The following RBM46 variants were observed in gnomAD, a reference collection of about 807,000 sequenced individuals.
RBM46 encodes probable RNA-binding protein 46.
In RBM46, 12 loss-of-function variants were observed where a neutral mutation model predicts 43.3. The observed-to-expected ratio is 0.28, with a 90% CI of 0.18 to 0.45. The LOEUF (loss-of-function observed/expected upper bound fraction) is 0.45, where lower values mean the gene tolerates loss of function less well. RBM46 is among the 20% of genes least tolerant of loss of function. RBM46 has a pLI of 1.00. For missense variants in RBM46, 412 were observed against 639.1 expected (o/e 0.64, Z 3.83); for synonymous variants, 205 against 207.6 (o/e 0.99, Z 0.11).
In RBM46 at chr4:154,828,102, A is replaced by C; in HGVS notation, c.*35A>C. The C allele has an allele frequency of 7.0e-7, 1 of 1,430,830 alleles. No individual in the cohort carries two copies. Among genetic ancestry groups the C allele is most frequent in the Non-Finnish European group, 9.8e-7 (1 of 1,015,234 alleles). 88.6% of individuals were successfully genotyped at this position (1,430,830 alleles called of 1,614,324 possible). A position where few individuals can be genotyped will look rare whatever the true frequency, so the allele number is the denominator to read the frequency against. ...TAACATTAGTATGAAAATTTGTGTA[A>C]ATTTGTAGTATGAAAACTTGCAAAT... On this transcript the variant is annotated 3_prime_UTR_variant, in exon 5 of 5. Coordinates refer to ENST00000281722, the MANE Select transcript of RBM46 (RefSeq NM_144979.5).
In RBM46 at chr4:154,826,807, G is replaced by C. The variant is rs760930240; in HGVS notation, c.1403-1061G>C. ...TGCTTGAGCTTACTCTCCTGCAGTT[G>C]ATCTCATTCCTGTTGGCTAAACATT... On this transcript the variant is annotated intron_variant, in intron 4 of 4. Transcript: ENST00000281722. 24 of 1,472,078 alleles carry C rather than the reference G, an allele frequency of 1.6e-5. No individual in the cohort carries two copies. The South Asian group carries it at 2.9e-4, about 18-fold the overall frequency. The allele number at this position is 1,472,078 out of a possible 1,614,324, so 91.2% of individuals were successfully genotyped here.
At position 154,798,925 on chromosome 4, in the gene RBM46, G is replaced by A; in HGVS notation, c.763G>A (p.Glu255Lys). 2 of 1,613,520 alleles carry A rather than the reference G, an allele frequency of 1.2e-6. No homozygotes were observed. The highest frequency in any genetic ancestry group is 1.7e-6 in the Non-Finnish European group (2 of 1,179,784). ...ISTTEETIKAEFNKFKPGAVE... is the reference protein window; with the variant it reads ...ISTTEETIKAKFNKFKPGAVE... ...AACTACAGAGGAAACAATTAAAGCAGAATTCAATAAATTTAAGCCTGGTGC... is the reference window on the plus strand; with the variant it reads ...AACTACAGAGGAAACAATTAAAGCAAAATTCAATAAATTTAAGCCTGGTGC... Residue 255 changes from glutamate (E) to lysine (K), a missense_variant, in exon 4 of 5, where the codon GAA becomes AAA. Physicochemically the swap from Glu to Lys is moderately conservative, Grantham distance 56. Around this residue, in one of 8 missense-constraint regions of RBM46, gnomAD observed 54 missense variants for 102.5 expected, o/e 0.53. Coordinates refer to ENST00000281722, the MANE Select transcript of RBM46 (RefSeq NM_144979.5).
intron 4 of RBM46, among the ~76,000 whole-genome samples, chr4:154,807,611 C>T (rs1453723414): frequency 6.6e-6 from 1 of 151,790 alleles, no homozygotes; most frequent in Non-Finnish European, 1.5e-5. Context: ...AGTATCTGCC[C>T]TTACTAGTTA....
In RBM46 at chr4:154,798,135, A is replaced by G. The variant is rs199571046; in HGVS notation, c.476A>G (p.Asp159Gly). 176 of 1,613,874 alleles carry G rather than the reference A, an allele frequency of 1.1e-4. 2 individuals carry two copies. The African/African-American group carries it at 1.5e-3, about 14-fold the overall frequency. The change falls in exon 3 of 5, where the codon GAT becomes GGT. Residue 159 changes from aspartate to glycine, a missense_variant. Around this residue, in one of 8 missense-constraint regions of RBM46, gnomAD observed 48 missense variants for 78.9 expected, o/e 0.61. Transcript: ENST00000281722. ...PKEKKKEEIL[D>G]EMKKVTEGVV... ...GAAAAGAAGAAAGAAGAAATTTTAGATGAAATGAAGAAAGTTACAGAAGGA... is the reference window on the plus strand; with the variant it reads ...GAAAAGAAGAAAGAAGAAATTTTAGGTGAAATGAAGAAAGTTACAGAAGGA...
intron 4 of RBM46, among the ~76,000 whole-genome samples, chr4:154,822,966 T>C (rs1175991501): frequency 6.6e-6 from 1 of 151,844 alleles, no homozygotes; most frequent in Non-Finnish European, 1.5e-5. Flanking sequence ...ACACAAACAT[T>C]TGTACATATT....
At chr4:154,824,622 G>C (rs1735870624) in intron 4 of RBM46, among the ~76,000 whole-genome samples, 1 of 152,042 alleles carries the variant, frequency 6.6e-6, no homozygotes. Context: ...CAAGCTATTT[G>C]AGTTTCGACT....
At chr4:154,803,139 T>C (rs750080191) in intron 4 of RBM46, among the ~76,000 whole-genome samples, 2 of 152,226 alleles carry the variant, frequency 1.3e-5, no homozygotes, top group Non-Finnish European at 2.9e-5. Flanking sequence ...TTTAGTGATC[T>C]TACTAGCATC....
At chr4:154,814,084 A>C (rs891508334) in intron 4 of RBM46, among the ~76,000 whole-genome samples, 3 of 152,008 alleles carry the variant, frequency 2.0e-5, no homozygotes, top group South Asian at 4.1e-4. Context: ...AATAATGAAA[A>C]TTAGGAGCCT....
At chr4:154,818,303 A>G (rs156571) in intron 4 of RBM46, among the ~76,000 whole-genome samples, 87,900 of 151,902 alleles carry the variant, frequency 0.58, 28,184 homozygotes, top group African/African-American at 0.85. Context: ...CTCTATTTTC[A>G]TTTGTCTGAA....
chr4:154,802,818 T>G (rs994945859), intron 4 of RBM46, among the ~76,000 whole-genome samples: 1 of 152,178 alleles, frequency 6.6e-6, no homozygotes, highest in African/African-American at 2.4e-5. Context: ...TATCCTTATT[T>G]TAACCCTTTC....
chr4:154,797,044 G>A, intron 2 of RBM46, 141 bp downstream of exon 2: 1 of 588,062 alleles, frequency 1.7e-6, no homozygotes, highest in Non-Finnish European at 2.8e-6. Context: ...GTTGAGGAGA[G>A]TTAAATTATA....
chr4:154,788,720 G>A lies in RBM46; in HGVS notation c.-12+7284G>A, dbSNP rs865993005. ...AAGTAGTTTTTTCCCATTCTGTGAA[G>A]AAAGTCATTGGTAGCTTGATGGGGA... On this transcript the variant is annotated intron_variant, in intron 1 of 4. Transcript: ENST00000281722. Among the ~76,000 whole-genome samples, 38 of 152,266 alleles carry A rather than the reference G, an allele frequency of 2.5e-4. No individual in the cohort carries two copies. The Middle Eastern group carries it at 0.034, about 136-fold the overall frequency.
intron 1 of RBM46, among the ~76,000 whole-genome samples, chr4:154,786,213 A>G (rs1439677479): frequency 2.0e-5 from 3 of 152,038 alleles, no homozygotes; most frequent in Admixed American, 6.5e-5. Context: ...CAGCCTCCTG[A>G]GTAGCTGGGA....
chr4:154,820,908 A>G (rs1190109155), intron 4 of RBM46, among the ~76,000 whole-genome samples: 3 of 151,864 alleles, frequency 2.0e-5, no homozygotes, highest in African/African-American at 4.8e-5. Flanking sequence ...TTGAGTCAAG[A>G]TTATTACCTC....
chr4:154,786,462 GT>G (rs1733772720), intron 1 of RBM46, among the ~76,000 whole-genome samples: 1 of 152,064 alleles, frequency 6.6e-6, no homozygotes, highest in Non-Finnish European at 1.5e-5. Context: ...ATATTACATT[GT>G]TTTATTTATT....
Position 154,803,781 on chromosome 4 carries a change from TAGTG to T in RBM46, c.1402+4225_1402+4228del, listed in dbSNP as rs1734766793. Among the ~76,000 whole-genome samples the T allele has an allele frequency of 3.4e-5, 5 of 146,848 alleles. No homozygotes were observed. The South Asian group carries it at 8.6e-4, about 25-fold the overall frequency. ...TTTTAGGGATCTGTAATCTGTAGGA[TAGTG>T]AGTGAGTTTAATGGGTAGAATCCTG... On this transcript the variant is annotated intron_variant, in intron 4 of 4. Coordinates refer to ENST00000281722, the MANE Select transcript of RBM46 (RefSeq NM_144979.5).
intron 1 of RBM46, among the ~76,000 whole-genome samples, chr4:154,788,092 T>C (rs1448444044): frequency 1.3e-5 from 2 of 152,242 alleles, no homozygotes; most frequent in Non-Finnish European, 2.9e-5. Context: ...ATTAGCCCTT[T>C]GTCAGATGGT....
intron 4 of RBM46, among the ~76,000 whole-genome samples, chr4:154,822,578 A>G (rs1735767760): frequency 6.6e-6 from 1 of 151,462 alleles, no homozygotes; most frequent in African/African-American, 2.4e-5. Flanking sequence ...TAAAAAAAAA[A>G]GTTTTTTTTT....
At chr4:154,786,881 T>G (rs1160374489) in intron 1 of RBM46, among the ~76,000 whole-genome samples, 1 of 152,080 alleles carries the variant, frequency 6.6e-6, no homozygotes, top group African/African-American at 2.4e-5. Context: ...GAGCCAAGAT[T>G]GCGCCATTGC....
Sources: allele counts gnomAD v4.1 joint callset (sites outside exome capture counted in the v4.1 genomes callset), GRCh38; gene constraint gnomAD v4.1.1; regional missense constraint gnomAD v4.1.1; transcripts MANE v1.5; gene names NCBI Gene and HGNC (gene_info 2026-07-23, HGNC 2026-07-21).